The following FBXW5 variants were observed in gnomAD, a reference collection of about 807,000 sequenced individuals.
The protein encoded by FBXW5 is F-box/WD repeat-containing protein 5.
In FBXW5, 74 loss-of-function variants were observed where a neutral mutation model predicts 50.9. The observed-to-expected ratio is 1.45, with a 90% CI of 1.20 to 1.76. The LOEUF is 1.76. Among genes scored for constraint, FBXW5 ranks in the 40% most tolerant of loss-of-function variants. The probability of loss-of-function intolerance (pLI) is 0.00; values close to 1 mark genes in which losing one functional copy is unlikely to be tolerated. For missense variants in FBXW5, 1,073 were observed against 818.8 expected (o/e 1.31, Z -3.79); for synonymous variants, 523 against 362.2 (o/e 1.44, Z -5.04).
Position 136,942,412 on chromosome 9 carries a change from G to C in FBXW5, c.730C>G (p.Leu244Val). Residue 244 changes from leucine (L) to valine (V), a missense_variant, in exon 6 of 9, where the codon CTC (leucine) becomes GTC (valine). By Grantham distance (32) the Leu-to-Val change is conservative. Coordinates refer to ENST00000325285, the MANE Select transcript of FBXW5 (RefSeq NM_018998.4). ...ACCGTGCGGACGGTGCTGGCATTGAGGTTCTGGATCTTGAACAGCCGCTTC... is the reference window on the plus strand; with the variant it reads ...ACCGTGCGGACGGTGCTGGCATTGACGTTCTGGATCTTGAACAGCCGCTTC... ...VVKRLFKIQN[L>V]NASTVRTVMV... 2 of 1,606,422 alleles carry C rather than the reference G, an allele frequency of 1.2e-6. No individual in the cohort carries two copies. The highest frequency in any genetic ancestry group is 1.7e-6 in the Non-Finnish European group (2 of 1,174,982).
rs528576887 is a variant in FBXW5, at chr9:136,944,084, C to T, written c.-1G>A. On this transcript the variant is annotated 5_prime_UTR_variant, in exon 2 of 9. Coordinates refer to ENST00000325285, the MANE Select transcript of FBXW5 (RefSeq NM_018998.4). ...GCAGGGGCGTGCCGCCCTCGTCCAT[C>T]GTGACATTCTGCCCAGGCGGCCCTG... 2.5e-6 allele frequency: 4 copies of T among 1,589,708 alleles called. No individual in the cohort carries two copies. Among genetic ancestry groups the T allele is most frequent in the African/African-American group, 2.7e-5 (2 of 74,390 alleles).
chr9:136,943,063 G>T, intron 3 of FBXW5, 120 bp from the exon 4 acceptor site: 1 of 1,491,544 alleles, frequency 6.7e-7, no homozygotes, highest in Non-Finnish European at 9.2e-7. Flanking sequence ...AGGGAGCAGG[G>T]ACCCCTTCCA....
chr9:136,940,671 G>C lies in FBXW5; in HGVS notation c.*257C>G. On this transcript the variant is annotated 3_prime_UTR_variant, in exon 9 of 9. Coordinates refer to ENST00000325285, the MANE Select transcript of FBXW5 (RefSeq NM_018998.4). The stretch of plus-strand genomic sequence containing the variant: ...CCTAGCCTGGGGTTGAGTGAGGAGC[G>C]GCACCCCCAGTATCCTGTGTACCCC... The C allele has an allele frequency of 1.9e-6, 1 of 539,164 alleles. No individual in the cohort carries two copies. Among genetic ancestry groups the C allele is most frequent in the South Asian group, 2.1e-5 (1 of 47,224 alleles). 33.4% of individuals were successfully genotyped at this position (539,164 alleles called of 1,614,324 possible). A position where few individuals can be genotyped will look rare whatever the true frequency, so the allele number is the denominator to read the frequency against.
Position 136,942,816 on chromosome 9 carries a change from AG to A in FBXW5, c.478del (p.Leu160TrpfsTer16). 6.2e-7 allele frequency: 1 copy of A among 1,613,140 alleles called. No homozygotes were observed. Reference sequence around the variant, plus strand: ...GCCGGATGAGGAGTTGTGCGGCCCCAGGAACACCCCCGAGGCCAGCAGTAGC... The same window carrying A: ...GCCGGATGAGGAGTTGTGCGGCCCCAGAACACCCCCGAGGCCAGCAGTAGC... ...DSLLLASGVFLGPHNSSSGEI... is the reference protein window; with the variant it reads ...DSLLLASGVFXGPHNSSSGEI... On this transcript the variant is annotated frameshift_variant, in exon 4 of 9. Transcript: ENST00000325285. LOFTEE classifies it high-confidence loss of function.
Position 136,941,045 on chromosome 9 carries a change from C to G in FBXW5, c.1584G>C (p.Thr528=). The G allele has an allele frequency of 6.4e-7, 1 of 1,555,250 alleles. No individual in the cohort carries two copies. Residue 528 remains threonine, a synonymous_variant, in exon 9 of 9, where the codon ACG becomes ACC. Coordinates refer to ENST00000325285, the MANE Select transcript of FBXW5 (RefSeq NM_018998.4). ...CTTTGATGGTGGCGTCGTCGCTGGC[C>G]GTGAGCAGCAGCTCCTGCTCCTGGG... ...FSPQEQELLL[T]ASDDATIKAW...
intron 2 of FBXW5, 90 bp from the exon 3 acceptor site, chr9:136,943,596 C>A: frequency 2.0e-6 from 3 of 1,482,180 alleles, no homozygotes; most frequent in Non-Finnish European, 2.7e-6. Context: ...CCTGGCAGGC[C>A]CCGTGGTGCC....
chr9:136,944,097 C>T lies in FBXW5; in HGVS notation c.-14G>A. On this transcript the variant is annotated 5_prime_UTR_variant, in exon 2 of 9. It introduces an in-frame stop codon into an upstream open reading frame of the 5' UTR. Coordinates refer to ENST00000325285, the MANE Select transcript of FBXW5 (RefSeq NM_018998.4). ...GCCCTCGTCCATCGTGACATTCTGC[C>T]CAGGCGGCCCTGAAACCCACCAACG... 6 of 1,575,508 alleles carry T rather than the reference C, an allele frequency of 3.8e-6. No homozygotes were observed. Among genetic ancestry groups the T allele is most frequent in the South Asian group, 1.2e-5 (1 of 85,976 alleles).
intron 1 of FBXW5, 48 bp downstream of exon 1, chr9:136,944,546 G>A: frequency 1.0e-6 from 1 of 983,752 alleles, no homozygotes; most frequent in Non-Finnish European, 1.2e-6. Flanking sequence ...CGCCCAAGGC[G>A]GGCGGGGACG....
rs766079091 is a variant in FBXW5 at position 136,942,761 on chromosome 9, G to A, written c.526+8C>T. 2.2e-5 allele frequency: 36 copies of A among 1,612,520 alleles called. No homozygotes were observed. The highest frequency in any genetic ancestry group is 2.7e-5 in the Non-Finnish European group (32 of 1,179,888). ...CGGGGGCAGGGTCAACCCGCCGCCC[G>A]TGCTCACCTAGGCTGATGACAGCAA... is the stretch of plus-strand genomic sequence containing the variant. On this transcript the variant is annotated splice_region_variant and intron_variant, in intron 4 of 8. Transcript: ENST00000325285.
In FBXW5 at chr9:136,942,860, C is replaced by T. The variant is rs1850847686; in HGVS notation, c.435G>A (p.Gln145=). Residue 145 remains glutamine (Q), a synonymous_variant, in exon 4 of 9, where the codon CAG becomes CAA. Transcript: ENST00000325285. ...GCAGTAGCGAGTCGTCCTTGTTGAA[C>T]TGGGAGAACTGGGTGTAGCTCCAGT... The part of the protein sequence containing the change: ...PYNWSYTQFS[Q]FNKDDSLLLA... The T allele has an allele frequency of 7.4e-6, 12 of 1,613,594 alleles. 1 individual carries two copies. The highest frequency in any genetic ancestry group is 9.3e-6 in the Non-Finnish European group (11 of 1,180,002).
In FBXW5 at chr9:136,942,887, G is replaced by C; in HGVS notation, c.408C>G (p.Tyr136Ter). The change falls in exon 4 of 9, where the codon TAC becomes TAG. Residue 136 changes from tyrosine (Y) to a stop codon, truncating the protein, a stop_gained. Transcript: ENST00000325285. LOFTEE classifies it high-confidence loss of function. ...SLLHSADMRP[Y>*]NWSYTQFSQF... ...GGGAGAACTGGGTGTAGCTCCAGTT[G>C]TAGGGCCGCATGTCCGCGCTGTGCA... 6 of 1,613,560 alleles carry C rather than the reference G, an allele frequency of 3.7e-6. No homozygotes were observed. The highest frequency in any genetic ancestry group is 5.1e-6 in the Non-Finnish European group (6 of 1,179,994).
chr9:136,941,341 A>G lies in FBXW5; in HGVS notation c.1367T>C (p.Val456Ala), dbSNP rs770610292. 4.8e-5 allele frequency: 78 copies of G among 1,611,204 alleles called. No homozygotes were observed. The highest frequency in any genetic ancestry group is 6.2e-5 in the Non-Finnish European group (73 of 1,179,870). Residue 456 changes from valine (V) to alanine (A), a missense_variant, in exon 8 of 9, where the codon GTG (valine) becomes GCG (alanine). By Grantham distance (64) the Val-to-Ala change is moderately conservative. Transcript: ENST00000325285. ...LVFDLKTMRE[V>A]RRALRAHRAY... Reference sequence around the variant, plus strand: ...GCGGTGCGCACGCAGAGCCCGCCTCACCTCCCGCATGGTCTTGAGGTCGAA... The same window carrying G: ...GCGGTGCGCACGCAGAGCCCGCCTCGCCTCCCGCATGGTCTTGAGGTCGAA...
In FBXW5 at chr9:136,942,940, A is replaced by AG; in HGVS notation, c.354dup (p.Trp119LeufsTer72). ...AGCGAGATGGTCAGGTCGTTGCTCC[A>AG]GATCTGTTCGGCAGGGGCGGCTGTA... On this transcript the variant is annotated frameshift_variant, in exon 4 of 9. Transcript: ENST00000325285. LOFTEE classifies it high-confidence loss of function. The AG allele has an allele frequency of 6.2e-7, 1 of 1,612,928 alleles. No individual in the cohort carries two copies. Among genetic ancestry groups the AG allele is most frequent in the Non-Finnish European group, 8.5e-7 (1 of 1,179,862 alleles).
In FBXW5 at chr9:136,943,951, G is replaced by A; in HGVS notation, c.133C>T (p.Leu45=). ...QWQAVSRDEF[L]WREQFYRYYQ... is the part of the protein sequence containing the mutation. ...TAGCGGTAGAACTGCTCCCTCCACAGGAACTCGTCCCGCGACACGGCCTGC... is the reference window on the plus strand; with the variant it reads ...TAGCGGTAGAACTGCTCCCTCCACAAGAACTCGTCCCGCGACACGGCCTGC... The change falls in exon 2 of 9, where the codon CTG becomes TTG. Residue 45 remains leucine (L), a synonymous_variant. Transcript: ENST00000325285. The A allele has an allele frequency of 1.9e-6, 3 of 1,558,654 alleles. No individual in the cohort carries two copies. Among genetic ancestry groups the A allele is most frequent in the Non-Finnish European group, 2.6e-6 (3 of 1,152,246 alleles).
rs747492740 is a variant in FBXW5 at position 136,942,185 on chromosome 9, C to T, written c.957G>A (p.Ser319=). Residue 319 remains serine (S), a synonymous_variant, in exon 6 of 9, where the codon TCG becomes TCA. Coordinates refer to ENST00000325285, the MANE Select transcript of FBXW5 (RefSeq NM_018998.4). ...VLEGRAQPQL[S]ERMLETKVAE... ...CCACCTTGGTCTCTAGCATGCGCTC[C>T]GACAGCTGTGGCTGCGCCCGCCCCT... 1.1e-5 allele frequency: 18 copies of T among 1,590,274 alleles called. No homozygotes were observed. The highest frequency in any genetic ancestry group is 5.3e-5 in the Admixed American group (3 of 56,346).
intron 6 of FBXW5, 127 bp downstream of exon 6, chr9:136,941,918 AC>A: frequency 7.0e-7 from 1 of 1,438,528 alleles, no homozygotes; most frequent in Non-Finnish European, 9.1e-7. Context: ...TGGGCTTGTG[AC>A]CCCAGGGGCG....
In FBXW5 at chr9:136,944,048, G is replaced by A. The variant is rs1850929821; in HGVS notation, c.36C>T (p.Ser12=). 1 of 1,604,272 alleles carries A rather than the reference G, an allele frequency of 6.2e-7. No individual in the cohort carries two copies. Among genetic ancestry groups the A allele is most frequent in the African/African-American group, 1.3e-5 (1 of 74,866 alleles). Residue 12 remains serine, a synonymous_variant, in exon 2 of 9, where the codon AGC becomes AGT. Transcript: ENST00000325285. ...GGCTCAGGAAGATCTGGTAGACCAGGCTGTCGGGGAGCAGGGGCGTGCCGC... is the reference window on the plus strand; with the variant it reads ...GGCTCAGGAAGATCTGGTAGACCAGACTGTCGGGGAGCAGGGGCGTGCCGC... ...DEGGTPLLPD[S]LVYQIFLSLG...
At position 136,942,851 on chromosome 9, in the gene FBXW5, CTTG is replaced by C. The variant is rs1194576377; in HGVS notation, c.441_443del (p.Asn147del). ...CCGAGGCCAGCAGTAGCGAGTCGTC[CTTG>C]TTGAACTGGGAGAACTGGGTGTAGC... On this transcript the variant is annotated inframe_deletion, in exon 4 of 9. Coordinates refer to ENST00000325285, the MANE Select transcript of FBXW5 (RefSeq NM_018998.4). The C allele has an allele frequency of 1.9e-6, 3 of 1,613,422 alleles. No homozygotes were observed. The highest frequency in any genetic ancestry group is 2.5e-6 in the Non-Finnish European group (3 of 1,180,004).
chr9:136,943,616 C>T, intron 2 of FBXW5, 110 bp from the exon 3 acceptor site: 7 of 1,415,534 alleles, frequency 4.9e-6, no homozygotes, highest in Non-Finnish European at 5.7e-6. Flanking sequence ...CCCTGGAACC[C>T]ACTAGTCATG....
Sources: allele counts gnomAD v4.1 joint callset, GRCh38; gene constraint gnomAD v4.1.1; transcripts MANE v1.5; gene names NCBI Gene and HGNC (gene_info 2026-07-23, HGNC 2026-07-21).